HEMK2: variants seen among roughly 807,000 people sequenced by gnomAD.
HEMK2 encodes the protein methyltransferase HEMK2.
chr21:28,762,056 C>T, the HEMK2 span, among the ~76,000 whole-genome samples: 79,951 of 151,856 alleles, frequency 0.53, 23,432 homozygotes, highest in East Asian at 0.78. Context: ...AATTTGATAC[C>T]CACTCTGGGG....
chr21:28,843,857 G>T, the HEMK2 span, among the ~76,000 whole-genome samples: 2 of 152,126 alleles, frequency 1.3e-5, no homozygotes, highest in Non-Finnish European at 2.9e-5. Context: ...AGTAAAATGT[G>T]TAATTCAGGA....
At chr21:28,601,680 T>C in the HEMK2 span, among the ~76,000 whole-genome samples, 1 of 150,700 alleles carries the variant, frequency 6.6e-6, no homozygotes, top group African/African-American at 2.4e-5. Context: ...TGCTCTTTCT[T>C]TCTAGTATGT....
chr21:28,706,170 G>A, the HEMK2 span, among the ~76,000 whole-genome samples: 2 of 152,130 alleles, frequency 1.3e-5, no homozygotes, highest in African/African-American at 2.4e-5. Context: ...TATATTTGAC[G>A]TAACTCTAAG....
At chr21:28,682,910 C>A in the HEMK2 span, among the ~76,000 whole-genome samples, 1 of 151,660 alleles carries the variant, frequency 6.6e-6, no homozygotes, top group Non-Finnish European at 1.5e-5. Context: ...GTAGGGGGAG[C>A]GGGGAGGGAT....
At chr21:28,840,893 G>A in the HEMK2 span, among the ~76,000 whole-genome samples, 3 of 147,292 alleles carry the variant, frequency 2.0e-5, no homozygotes, top group Admixed American at 1.4e-4. Flanking sequence ...AAAGACACTT[G>A]CACAAGCATG....
the HEMK2 span, among the ~76,000 whole-genome samples, chr21:28,630,047 G>A: frequency 5.9e-5 from 9 of 152,092 alleles, no homozygotes; most frequent in East Asian, 1.4e-3. Context: ...TTGTAATCAA[G>A]TATATCTGAC....
chr21:28,879,247 G>A, the HEMK2 span, among the ~76,000 whole-genome samples: 1 of 151,924 alleles, frequency 6.6e-6, no homozygotes, highest in South Asian at 2.1e-4. Flanking sequence ...ACCATGCCTG[G>A]CTAATTTTTT....
chr21:28,868,006 G>C, the HEMK2 span, among the ~76,000 whole-genome samples: 2 of 151,990 alleles, frequency 1.3e-5, no homozygotes, highest in African/African-American at 4.8e-5. Flanking sequence ...GTTTCCCTTT[G>C]TGTATAATCA....
At chr21:28,816,094 CAAG>C in the HEMK2 span, among the ~76,000 whole-genome samples, 1 of 152,170 alleles carries the variant, frequency 6.6e-6, no homozygotes, top group African/African-American at 2.4e-5. Context: ...CATCTGAAGA[CAAG>C]AAGAGAGGCC....
chr21:28,721,935 C>CAT, the HEMK2 span, among the ~76,000 whole-genome samples: 1 of 143,338 alleles, frequency 7.0e-6, no homozygotes, highest in Non-Finnish European at 1.5e-5. Context: ...CACACACACA[C>CAT]ACATACACCT....
the HEMK2 span, among the ~76,000 whole-genome samples, chr21:28,616,702 T>C: frequency 6.6e-6 from 1 of 152,318 alleles, no homozygotes. Context: ...GTCATTTAAA[T>C]ATTTTCCAGA....
chr21:28,840,445 A>C, the HEMK2 span, among the ~76,000 whole-genome samples: 1 of 152,224 alleles, frequency 6.6e-6, no homozygotes, highest in Non-Finnish European at 1.5e-5. Context: ...AAGTGGGAGA[A>C]AATCTTCACA....
At chr21:28,807,006 G>A in the HEMK2 span, among the ~76,000 whole-genome samples, 1 of 152,194 alleles carries the variant, frequency 6.6e-6, no homozygotes, top group Non-Finnish European at 1.5e-5. Context: ...GCTGGAAAAT[G>A]TCAGAGGCAG....
the HEMK2 span, among the ~76,000 whole-genome samples, chr21:28,704,273 TC>T: frequency 6.6e-6 from 1 of 152,104 alleles, no homozygotes; most frequent in African/African-American, 2.4e-5. Flanking sequence ...AAACACTTTT[TC>T]CCCATTTTTA....
chr21:28,797,196 C>T, the HEMK2 span, among the ~76,000 whole-genome samples: 3 of 152,190 alleles, frequency 2.0e-5, no homozygotes, highest in Admixed American at 1.3e-4. Flanking sequence ...GGCCCACAGT[C>T]ATCCCCACTG....
chr21:28,874,256 A>G, the HEMK2 span: 2 of 152,240 alleles, frequency 1.3e-5, no homozygotes, highest in Non-Finnish European at 2.9e-5. Context: ...TAGATGAGAC[A>G]TTCTGTAAGT....
chr21:28,634,772 G>A, the HEMK2 span, among the ~76,000 whole-genome samples: 13 of 152,196 alleles, frequency 8.5e-5, no homozygotes, highest in East Asian at 3.9e-4. Flanking sequence ...ACTTATAGAC[G>A]TATTATAAGG....
chr21:28,642,650 T>C, the HEMK2 span, among the ~76,000 whole-genome samples: 1 of 152,164 alleles, frequency 6.6e-6, no homozygotes, highest in Non-Finnish European at 1.5e-5. Flanking sequence ...CGGAAGACTT[T>C]ACTGAGCGGA....
chr21:28,820,515 A>G, the HEMK2 span, among the ~76,000 whole-genome samples: 1 of 152,152 alleles, frequency 6.6e-6, no homozygotes, highest in East Asian at 1.9e-4. Flanking sequence ...ATTTCCCCTA[A>G]AAATCATTTA....
Sources: gnomAD v4.1 joint callset for allele counts (sites outside exome capture counted in the v4.1 genomes callset) on GRCh38, gnomAD v4.1.1 for gene constraint, MANE v1.5 for transcripts, NCBI Gene and HGNC (gene_info 2026-07-23, HGNC 2026-07-21) for gene names.